Variants in PDGFRL observed in about 807,000 individuals in gnomAD.
PDGFRL encodes platelet derived growth factor receptor like.
PDGFRL carries 46 observed loss-of-function variants against 37.2 expected under a neutral mutation model. That is an observed-to-expected ratio of 1.24 (90% CI 0.98 to 1.58). The LOEUF (loss-of-function observed/expected upper bound fraction) is 1.58, where lower values mean the gene tolerates loss of function less well. PDGFRL is among the 40% of genes most tolerant of loss of function. The pLI is 0.00. For synonymous variants in PDGFRL, 251 were observed against 184.3 expected (o/e 1.36, Z -2.93); for missense variants, 692 against 467.6 (o/e 1.48, Z -4.43).
At chr8:17,590,425 T>G (rs1308652854) in intron 2 of PDGFRL, among the ~76,000 whole-genome samples, 1 of 151,722 alleles carries the variant, frequency 6.6e-6, no homozygotes, top group Non-Finnish European at 1.5e-5. Context: ...AAATTCATAT[T>G]GTGTGGCCAG....
intron 4 of PDGFRL, among the ~76,000 whole-genome samples, chr8:17,629,847 A>G (rs1804825451): frequency 2.0e-5 from 3 of 152,050 alleles, no homozygotes; most frequent in Admixed American, 6.5e-5. Context: ...TCTGTGTTCA[A>G]TGACTCCCTC....
In PDGFRL at chr8:17,625,165, T is replaced by A. The variant is rs1382528411; in HGVS notation, c.506-3322T>A. Among the ~76,000 whole-genome samples the A allele has an allele frequency of 3.5e-5, 5 of 141,302 alleles. No individual in the cohort carries two copies. The East Asian group carries it at 1.1e-3, about 32-fold the overall frequency. 92.7% of individuals were successfully genotyped at this position (141,302 alleles called of 152,430 possible). A position where few individuals can be genotyped will look rare whatever the true frequency, so the allele number is the denominator to read the frequency against. ...CCCCGCATTTTTTTGTTTTTTTGTC[T>A]TTTTTGAGATGGAGTCTCCCTCTGT... On this transcript the variant is annotated intron_variant, in intron 3 of 5. Transcript: ENST00000251630.
chr8:17,607,795 G>C (rs1371211610), intron 2 of PDGFRL, among the ~76,000 whole-genome samples: 4 of 152,204 alleles, frequency 2.6e-5, no homozygotes, highest in Non-Finnish European at 5.9e-5. Flanking sequence ...AAACAGCTTT[G>C]AAAGATATGT....
chr8:17,630,428 A>T (rs1010668537), intron 4 of PDGFRL, among the ~76,000 whole-genome samples: 6 of 152,050 alleles, frequency 3.9e-5, no homozygotes, highest in African/African-American at 1.5e-4. Flanking sequence ...GGGTAGGGAG[A>T]TCTGTTGGTC....
chr8:17,592,648 G>C (rs886984963), intron 2 of PDGFRL, among the ~76,000 whole-genome samples: 2 of 152,120 alleles, frequency 1.3e-5, no homozygotes, highest in African/African-American at 4.8e-5. Flanking sequence ...TTCATAGCCA[G>C]GAACACTCTT....
intron 2 of PDGFRL, among the ~76,000 whole-genome samples, chr8:17,609,392 A>G (rs1333692755): frequency 1.3e-5 from 2 of 151,634 alleles, no homozygotes; most frequent in Admixed American, 6.6e-5. Context: ...CTGTAGTCCC[A>G]GTTACTTGGG....
intron 5 of PDGFRL, among the ~76,000 whole-genome samples, chr8:17,640,764 T>C (rs1291688785): frequency 1.3e-5 from 2 of 152,018 alleles, no homozygotes. Flanking sequence ...TGCCAGGAGG[T>C]GGCACTTTAA....
chr8:17,593,886 C>G (rs35270526), intron 2 of PDGFRL, among the ~76,000 whole-genome samples: 85,599 of 139,090 alleles, frequency 0.62, 26,883 homozygotes, highest in East Asian at 0.73. Flanking sequence ...GAAACTCCAT[C>G]TCAAAAAAAA....
At chr8:17,578,023 GT>G (rs1803625337) in intron 1 of PDGFRL, among the ~76,000 whole-genome samples, 1 of 151,796 alleles carries the variant, frequency 6.6e-6, no homozygotes, top group African/African-American at 2.4e-5. Context: ...GTGTACACCC[GT>G]GACCACAGGG....
At chr8:17,634,549 C>T (rs1018281612) in intron 5 of PDGFRL, among the ~76,000 whole-genome samples, 9 of 151,732 alleles carry the variant, frequency 5.9e-5, no homozygotes, top group Non-Finnish European at 1.2e-4. Flanking sequence ...TTCACAATAC[C>T]AAAGACATGG....
intron 2 of PDGFRL, among the ~76,000 whole-genome samples, chr8:17,592,948 ACACT>A (rs1044057742): frequency 1.6e-4 from 23 of 147,428 alleles, no homozygotes; most frequent in Admixed American, 2.0e-4. Flanking sequence ...ACACACACAC[ACACT>A]ACTCTACACA....
rs530269508 is a variant in PDGFRL at position 17,635,772 on chromosome 8, C to A, written c.939+1559C>A. On this transcript the variant is annotated intron_variant, in intron 5 of 5. Transcript: ENST00000251630. ...AACAGTGTTGCCTTTTCACCACATC[C>A]ATGCCAACATCGATTATTTTTTAAT... 7.9e-5 allele frequency among the ~76,000 whole-genome samples: 12 copies of A among 152,318 alleles called. No individual in the cohort carries two copies. In the South Asian group the frequency reaches 2.5e-3, roughly 32 times the overall value.
chr8:17,620,023 C>A (rs775603040), intron 2 of PDGFRL, among the ~76,000 whole-genome samples: 1 of 152,132 alleles, frequency 6.6e-6, no homozygotes, highest in Non-Finnish European at 1.5e-5. Context: ...AGTGCAGTGG[C>A]GTGATCATGA....
chr8:17,637,348 T>C (rs1435228568), intron 5 of PDGFRL, among the ~76,000 whole-genome samples: 1 of 152,166 alleles, frequency 6.6e-6, no homozygotes, highest in Non-Finnish European at 1.5e-5. Flanking sequence ...ATCATGTGAT[T>C]TTTTGTTTTT....
chr8:17,605,061 G>C (rs540811192), intron 2 of PDGFRL, among the ~76,000 whole-genome samples: 2 of 152,286 alleles, frequency 1.3e-5, no homozygotes, highest in South Asian at 4.2e-4. Context: ...AGGCTGCAGT[G>C]AGCTGAGATC....
At chr8:17,597,878 A>G (rs1804087400) in intron 2 of PDGFRL, among the ~76,000 whole-genome samples, 1 of 152,186 alleles carries the variant, frequency 6.6e-6, no homozygotes, top group Non-Finnish European at 1.5e-5. Context: ...TCAGTAAGTT[A>G]ATGTGTTGTA....
At chr8:17,626,834 G>A (rs1804743999) in intron 3 of PDGFRL, among the ~76,000 whole-genome samples, 2 of 152,084 alleles carry the variant, frequency 1.3e-5, no homozygotes, top group South Asian at 2.1e-4. Context: ...GCCAGTCCTC[G>A]TTTCTCCCAT....
intron 1 of PDGFRL, among the ~76,000 whole-genome samples, chr8:17,578,345 A>C (rs1309360003): frequency 2.6e-5 from 4 of 152,172 alleles, no homozygotes; most frequent in African/African-American, 9.7e-5. Flanking sequence ...CTTTCCTAGG[A>C]AACTACATTT....
chr8:17,636,019 C>A (rs1804964008), intron 5 of PDGFRL, among the ~76,000 whole-genome samples: 1 of 152,152 alleles, frequency 6.6e-6, no homozygotes. Context: ...GGGTGTTAGT[C>A]CTTTTTCAGA....
Sources: allele counts gnomAD v4.1 joint callset (sites outside exome capture counted in the v4.1 genomes callset), GRCh38; gene constraint gnomAD v4.1.1; transcripts MANE v1.5; gene names NCBI Gene and HGNC (gene_info 2026-07-23, HGNC 2026-07-21).